Variants in ST3GAL3 observed in about 807,000 individuals in gnomAD.
ST3GAL3 encodes the protein ST3 beta-galactoside alpha-2,3-sialyltransferase 3.
Under a neutral mutation model 50.1 loss-of-function variants are expected in ST3GAL3, and 21 were observed. That is an observed-to-expected ratio of 0.42 (90% CI 0.30 to 0.60). The LOEUF (loss-of-function observed/expected upper bound fraction) is 0.60. Ranked by LOEUF, ST3GAL3 falls within the 20% of genes least tolerant of loss-of-function variation. The pLI is 0.19. For synonymous variants in ST3GAL3, 183 were observed against 190.0 expected (o/e 0.96, Z 0.30); for missense variants, 353 against 489.4 (o/e 0.72, Z 2.63).
At chr1:43,733,798 A>C (rs6673970) in intron 1 of ST3GAL3, among the ~76,000 whole-genome samples, 49,978 of 152,188 alleles carry the variant, frequency 0.33, 8,582 homozygotes, top group African/African-American at 0.43. Context: ...AAACTGACAT[A>C]TTTCAAATTG....
At chr1:43,844,618 T>C (rs2065928024) in intron 5 of ST3GAL3, among the ~76,000 whole-genome samples, 1 of 152,118 alleles carries the variant, frequency 6.6e-6, no homozygotes, top group Non-Finnish European at 1.5e-5. Flanking sequence ...AAGACCATTC[T>C]GGCTAACACG....
At chr1:43,795,486 T>C (rs998201232) in intron 3 of ST3GAL3, among the ~76,000 whole-genome samples, 1 of 152,224 alleles carries the variant, frequency 6.6e-6, no homozygotes, top group African/African-American at 2.4e-5. Flanking sequence ...TTTTGCTATC[T>C]CCTGCTTTGC....
At chr1:43,905,949 C>T (rs1161585912) in intron 9 of ST3GAL3, among the ~76,000 whole-genome samples, 1 of 89,636 alleles carries the variant, frequency 1.1e-5, no homozygotes, top group East Asian at 3.6e-4. Context: ...CCTCCTGCTC[C>T]TCTCCCACCA....
In ST3GAL3 at chr1:43,920,510, T is replaced by A; in HGVS notation, c.851T>A (p.Leu284His). ...TTCATCCAGGAGGCCGCCTTCACCC[T>A]CATTGGCCTGCCCTTCAACAATGGC... ...PYFIQEAAFT[L>H]IGLPFNNGLM... is the part of the protein sequence containing the mutation. Residue 284 changes from leucine (L) to histidine (H), a missense_variant, in exon 10 of 12, where the codon CTC (leucine) becomes CAC (histidine). Leu to His is a moderately conservative substitution (Grantham distance 99). Transcript: ENST00000347631. 1 of 1,614,128 alleles carries A rather than the reference T, an allele frequency of 6.2e-7. No homozygotes were observed. Among genetic ancestry groups the A allele is most frequent in the Non-Finnish European group, 8.5e-7 (1 of 1,180,028 alleles).
At chr1:43,853,633 A>G (rs2067780436) in intron 5 of ST3GAL3, among the ~76,000 whole-genome samples, 1 of 152,280 alleles carries the variant, frequency 6.6e-6, no homozygotes, top group Non-Finnish European at 1.5e-5. Flanking sequence ...CTGATGTAGA[A>G]ATGGTTCTCT....
At chr1:43,898,376 C>G (rs1465729760) in intron 7 of ST3GAL3, 78 bp downstream of exon 7, 2 of 1,476,204 alleles carry the variant, frequency 1.4e-6, no homozygotes, top group Non-Finnish European at 1.9e-6. Context: ...GCTGGCCTTC[C>G]CTGGACATGG....
intron 4 of ST3GAL3, among the ~76,000 whole-genome samples, chr1:43,830,639 A>T (rs544215671): frequency 5.9e-5 from 9 of 152,316 alleles, no homozygotes; most frequent in Admixed American, 2.0e-4. Context: ...TGAACAGAGG[A>T]TTTGACTGTG....
chr1:43,880,540 G>A (rs991266604), intron 5 of ST3GAL3, among the ~76,000 whole-genome samples: 3 of 151,390 alleles, frequency 2.0e-5, no homozygotes, highest in African/African-American at 4.9e-5. Flanking sequence ...CCCTCTCTCC[G>A]CTTGTCTCCT....
At chr1:43,882,589 C>T (rs1248458223) in intron 5 of ST3GAL3, among the ~76,000 whole-genome samples, 4 of 152,176 alleles carry the variant, frequency 2.6e-5, no homozygotes, top group Non-Finnish European at 5.9e-5. Flanking sequence ...GAAGATGGCT[C>T]CAGCTGTTCT....
intron 2 of ST3GAL3, chr1:43,772,311 G>A: frequency 3.2e-6 from 1 of 312,550 alleles, no homozygotes; most frequent in Non-Finnish European, 5.8e-6. Context: ...GCCTCCCAAA[G>A]TGCTGGGATT....
intron 3 of ST3GAL3, among the ~76,000 whole-genome samples, chr1:43,814,068 T>C (rs2060948053): frequency 6.6e-6 from 1 of 152,228 alleles, no homozygotes; most frequent in Non-Finnish European, 1.5e-5. Context: ...TCTCCTGGTT[T>C]ATTTTCTGGA....
chr1:43,831,007 G>T (rs1257773921), intron 4 of ST3GAL3, among the ~76,000 whole-genome samples: 3 of 152,240 alleles, frequency 2.0e-5, no homozygotes, highest in Non-Finnish European at 4.4e-5. Flanking sequence ...AAAGGGCACT[G>T]TGACCCACAT....
chr1:43,798,272 C>T (rs1390551252), intron 3 of ST3GAL3, among the ~76,000 whole-genome samples: 2 of 152,226 alleles, frequency 1.3e-5, no homozygotes, highest in African/African-American at 4.8e-5. Context: ...CTGTCTGTGC[C>T]ACTTATTGCC....
intron 1 of ST3GAL3, among the ~76,000 whole-genome samples, chr1:43,724,704 G>A (rs1463182630): frequency 6.6e-6 from 1 of 152,192 alleles, no homozygotes; most frequent in Non-Finnish European, 1.5e-5. Flanking sequence ...CAGTCATGGT[G>A]TAGGGCTGTG....
At chr1:43,838,473 C>A in intron 5 of ST3GAL3, 162 bp downstream of exon 5, 1 of 688,330 alleles carries the variant, frequency 1.5e-6, no homozygotes, top group East Asian at 2.9e-5. Flanking sequence ...CAGTCCTACT[C>A]CATGCCGTTG....
intron 2 of ST3GAL3, among the ~76,000 whole-genome samples, chr1:43,770,906 G>C (rs1409883697): frequency 6.6e-6 from 1 of 152,234 alleles, no homozygotes; most frequent in Non-Finnish European, 1.5e-5. Flanking sequence ...ATCTCTATCA[G>C]ATAATCCAGA....
chr1:43,899,518 C>CT lies in ST3GAL3; in HGVS notation c.558-22dup. ...GCCTTCCCAAACACAGGCCCAGGCT[C>CT]TGAGTGGGCCTGCTCTCTGTAGACT... On this transcript the variant is annotated intron_variant, in intron 8 of 11. Coordinates refer to ENST00000347631, the MANE Select transcript of ST3GAL3 (RefSeq NM_006279.5). The surrounding 1 kb of genome is among the most constrained non-coding windows in gnomAD (Gnocchi z 5.4). 1 of 1,610,510 alleles carries CT rather than the reference C, an allele frequency of 6.2e-7. No homozygotes were observed. Among genetic ancestry groups the CT allele is most frequent in the East Asian group, 2.2e-5 (1 of 44,850 alleles).
At chr1:43,892,811 A>C (rs1199705344) in intron 5 of ST3GAL3, among the ~76,000 whole-genome samples, 1 of 152,238 alleles carries the variant, frequency 6.6e-6, no homozygotes, top group Non-Finnish European at 1.5e-5. Context: ...GTCGTGACAC[A>C]GAAGAAGAGG....
chr1:43,917,466 A>T (rs1475658341), intron 9 of ST3GAL3, among the ~76,000 whole-genome samples: 2 of 90,534 alleles, frequency 2.2e-5, no homozygotes, highest in African/African-American at 4.4e-5. Context: ...TAATATATAT[A>T]ATATATAATA....
Sources: gnomAD v4.1 joint callset for allele counts (sites outside exome capture counted in the v4.1 genomes callset) on GRCh38, gnomAD v4.1.1 for gene constraint, Gnocchi (gnomAD v3.1) non-coding constraint, MANE v1.5 for transcripts, NCBI Gene and HGNC (gene_info 2026-07-23, HGNC 2026-07-21) for gene names.